LINGO2: variants seen among roughly 807,000 people sequenced by gnomAD.
The protein encoded by LINGO2 is leucine rich repeat and Ig domain containing 2.
In LINGO2, 14 loss-of-function variants were observed where a neutral mutation model predicts 30.6. The ratio of observed to expected loss-of-function variants is 0.46; its 90% confidence interval spans 0.30 to 0.72. The LOEUF (loss-of-function observed/expected upper bound fraction) is 0.72, where lower values mean the gene tolerates loss of function less well. Ranked by LOEUF, LINGO2 falls within the 30% of genes least tolerant of loss-of-function variation. LINGO2 has a pLI of 0.07. For synonymous variants in LINGO2, 317 were observed against 288.5 expected, an observed-to-expected ratio of 1.10 and a Z score of -1.00; for missense variants, 729 against 751.7, an observed-to-expected ratio of 0.97 and a Z score of 0.35.
the LINGO2 span, among the ~76,000 whole-genome samples, chr9:28,793,166 GAAAC>G: frequency 2.0e-5 from 3 of 151,956 alleles, no homozygotes; most frequent in African/African-American, 7.3e-5. Context: ...AAGAGACAGA[GAAAC>G]AAAACAACAA....
chr9:28,951,678 T>C, the LINGO2 span, among the ~76,000 whole-genome samples: 1 of 152,046 alleles, frequency 6.6e-6, no homozygotes. Flanking sequence ...AGAAGTGTGA[T>C]ATAGAGATCT....
chr9:28,989,634 T>C, the LINGO2 span, among the ~76,000 whole-genome samples: 30 of 152,292 alleles, frequency 2.0e-4, no homozygotes, highest in South Asian at 6.2e-4. Context: ...TGTTATTATA[T>C]AGATCATATG....
the LINGO2 span, among the ~76,000 whole-genome samples, chr9:29,146,124 G>A: frequency 0.068 from 10,322 of 152,186 alleles, 394 homozygotes; most frequent in Non-Finnish European, 0.092. Flanking sequence ...CTGCACTAGA[G>A]TATCACTTGG....
At chr9:28,375,117 CACACACACACACACACAT>C (rs1358093330) in intron 2 of LINGO2, among the ~76,000 whole-genome samples, 1,700 of 55,372 alleles carry the variant, frequency 0.031, 20 homozygotes, top group African/African-American at 0.063. Flanking sequence ...CACACACACA[CACACACACACACACACAT>C]ACACCCCACA....
chr9:28,903,365 A>G, the LINGO2 span, among the ~76,000 whole-genome samples: 1 of 152,322 alleles, frequency 6.6e-6, no homozygotes, highest in East Asian at 1.9e-4. Context: ...ATGAGAAAGG[A>G]GATTGAATCA....
At chr9:28,467,899 G>C (rs1825376308) in intron 2 of LINGO2, among the ~76,000 whole-genome samples, 1 of 152,084 alleles carries the variant, frequency 6.6e-6, no homozygotes, top group Non-Finnish European at 1.5e-5. Flanking sequence ...ATATTTTCAA[G>C]TCATTGAAAT....
intron 1 of LINGO2, among the ~76,000 whole-genome samples, chr9:28,625,556 G>T (rs1396576063): frequency 6.6e-6 from 1 of 151,998 alleles, no homozygotes; most frequent in Non-Finnish European, 1.5e-5. Context: ...CTTCTGTTTG[G>T]CCATCTTGCT....
chr9:28,686,180 C>T, the LINGO2 span, among the ~76,000 whole-genome samples: 1 of 151,348 alleles, frequency 6.6e-6, no homozygotes, highest in African/African-American at 2.5e-5. Flanking sequence ...TCAAGCCTTA[C>T]ATCTTCTTTA....
At chr9:28,789,560 G>T in the LINGO2 span, among the ~76,000 whole-genome samples, 1 of 152,102 alleles carries the variant, frequency 6.6e-6, no homozygotes, top group African/African-American at 2.4e-5. Flanking sequence ...AAAGAGATGG[G>T]TACCTGTTGC....
chr9:29,067,451 C>A, the LINGO2 span, among the ~76,000 whole-genome samples: 1 of 151,652 alleles, frequency 6.6e-6, no homozygotes, highest in Non-Finnish European at 1.5e-5. Context: ...ATTTACCTGG[C>A]TAAAATTTTC....
At chr9:28,420,443 CTT>C (rs1001886837) in intron 2 of LINGO2, among the ~76,000 whole-genome samples, 1 of 151,982 alleles carries the variant, frequency 6.6e-6, no homozygotes, top group African/African-American at 2.4e-5. Context: ...GGTTATAAAA[CTT>C]TTAATTTAAA....
At chr9:29,192,743 T>C in the LINGO2 span, among the ~76,000 whole-genome samples, 1 of 152,184 alleles carries the variant, frequency 6.6e-6, no homozygotes, top group Admixed American at 6.5e-5. Flanking sequence ...GGCCTCCTTT[T>C]ATAAAAACCC....
At chr9:28,485,717 C>T (rs1268528660) in intron 1 of LINGO2, among the ~76,000 whole-genome samples, 3 of 152,014 alleles carry the variant, frequency 2.0e-5, no homozygotes, top group Non-Finnish European at 4.4e-5. Flanking sequence ...TTGCTGAAAC[C>T]AACCCCTTGT....
At chr9:27,939,284 A>G in the LINGO2 span, 1 of 152,336 alleles carries the variant, frequency 6.6e-6, no homozygotes, top group Admixed American at 6.5e-5. Context: ...ACCAGCCAGG[A>G]TACATTTTTC....
chr9:28,605,378 G>A (rs186722404), intron 1 of LINGO2, among the ~76,000 whole-genome samples: 13 of 151,572 alleles, frequency 8.6e-5, no homozygotes, highest in South Asian at 2.1e-4. Context: ...ACACTGTATA[G>A]CCTCCATCTC....
the LINGO2 span, among the ~76,000 whole-genome samples, chr9:29,081,986 G>A: frequency 6.6e-6 from 1 of 152,112 alleles, no homozygotes; most frequent in African/African-American, 2.4e-5. Flanking sequence ...ACAATATCGT[G>A]AAAATGGCCA....
the LINGO2 span, among the ~76,000 whole-genome samples, chr9:29,061,282 T>C: frequency 1.3e-5 from 2 of 152,044 alleles, no homozygotes; most frequent in African/African-American, 4.8e-5. Flanking sequence ...AAGCAATCTA[T>C]AGATTCAATA....
chr9:28,607,791 G>T (rs1164313837), intron 1 of LINGO2, among the ~76,000 whole-genome samples: 1 of 151,882 alleles, frequency 6.6e-6, no homozygotes, highest in Admixed American at 6.6e-5. Flanking sequence ...AATCACTATG[G>T]GTGGGTAGAG....
At chr9:28,568,471 A>G (rs904029972) in intron 1 of LINGO2, among the ~76,000 whole-genome samples, 74 of 152,076 alleles carry the variant, frequency 4.9e-4, no homozygotes, top group African/African-American at 1.7e-3. Flanking sequence ...GTATTGCTGA[A>G]CCTAAAAGAA....
Sources: allele counts gnomAD v4.1 joint callset (sites outside exome capture counted in the v4.1 genomes callset), GRCh38; gene constraint gnomAD v4.1.1; transcripts MANE v1.5; gene names NCBI Gene and HGNC (gene_info 2026-07-23, HGNC 2026-07-21).